The following MARVELD3 variants were observed in gnomAD, a reference collection of about 807,000 sequenced individuals.
MARVELD3 encodes the protein MARVEL domain containing 3.
Under a neutral mutation model 33.5 loss-of-function variants are expected in MARVELD3, and 28 were observed. The ratio of observed to expected loss-of-function variants is 0.84; its 90% CI spans 0.62 to 1.15. The LOEUF (loss-of-function observed/expected upper bound fraction) is 1.15. Among genes scored for constraint, MARVELD3 ranks in the 50% most tolerant of loss-of-function variants. The pLI is 0.00. For synonymous variants in MARVELD3, 241 were observed against 230.4 expected, an observed-to-expected ratio of 1.05 and a Z score of -0.42; for missense variants, 582 against 547.6, an observed-to-expected ratio of 1.06 and a Z score of -0.63.
Position 71,635,819 on chromosome 16 carries a change from A to G in MARVELD3, c.*1016A>G, listed in dbSNP as rs1394262384. The G allele has an allele frequency of 2.0e-6, 2 of 985,284 alleles. No individual in the cohort carries two copies. Among genetic ancestry groups the G allele is most frequent in the Admixed American group, 6.2e-5 (1 of 16,260 alleles). The allele number at this position is 985,284 out of a possible 1,614,324, so 61.0% of individuals were successfully genotyped here. A position where few individuals can be genotyped will look rare whatever the true frequency, so the allele number is the denominator to read the frequency against. ...CTCCTGTAAAATTGAAGTTGGAGGT[A>G]GGCGTGGGCTGAGGAAAGAGGAATC... On this transcript the variant is annotated 3_prime_UTR_variant, in exon 3 of 3. Coordinates refer to ENST00000268485, the MANE Select transcript of MARVELD3 (RefSeq NM_052858.6).
At chr16:71,634,100 G>T in intron 2 of MARVELD3, 93 bp from the exon 3 acceptor site, 3 of 1,529,000 alleles carry the variant, frequency 2.0e-6, no homozygotes, top group Non-Finnish European at 2.6e-6. Flanking sequence ...GCCTTCAGGG[G>T]TCTGAGCCCT....
At position 71,626,239 on chromosome 16, in the gene MARVELD3, C is replaced by A. The variant is rs1412618895; in HGVS notation, c.10C>A (p.Pro4Thr). Reference protein sequence around the residue: MEDPSGAREPRARP... With the variant: MEDTSGAREPRARP... ...GACACGGAACCCGGCCATGGAAGAT[C>A]CGTCGGGGGCTCGCGAGCCCCGGGC... The change falls in exon 1 of 3, where the codon CCG becomes ACG. Residue 4 changes from proline to threonine, a missense_variant. By Grantham distance (38) the Pro-to-Thr change is conservative. Coordinates refer to ENST00000268485, the MANE Select transcript of MARVELD3 (RefSeq NM_052858.6). This position sits in a 1 kb window ranked among gnomAD's most constrained non-coding sequence, Gnocchi z 5.3. The A allele has an allele frequency of 8.0e-6, 12 of 1,495,668 alleles. No individual in the cohort carries two copies. The highest frequency in any genetic ancestry group is 1.1e-5 in the Non-Finnish European group (12 of 1,125,534). The allele number at this position is 1,495,668 out of a possible 1,614,324, so 92.6% of individuals were successfully genotyped here.
At position 71,626,532 on chromosome 16, in the gene MARVELD3, A is replaced by G. The variant is rs903485519; in HGVS notation, c.303A>G (p.Ala101=). Residue 101 remains alanine, a synonymous_variant, in exon 1 of 3, where the codon GCA becomes GCG. Transcript: ENST00000268485. The surrounding 1 kb of genome is among the most constrained non-coding windows in gnomAD (Gnocchi z 5.3). The part of the protein sequence containing the change: ...RDTHRDAGPR[A]GEHGVWEKPR... The stretch of plus-strand genomic sequence containing the variant: ...CACACAGGGACGCGGGCCCTCGCGC[A>G]GGTGAACACGGAGTTTGGGAAAAAC... 4 of 1,549,648 alleles carry G rather than the reference A, an allele frequency of 2.6e-6. No individual in the cohort carries two copies. Among genetic ancestry groups the G allele is most frequent in the Non-Finnish European group, 3.5e-6 (4 of 1,146,790 alleles).
chr16:71,636,234 A>G lies in MARVELD3; in HGVS notation c.*1431A>G. The G allele has an allele frequency of 1.3e-6, 1 of 788,106 alleles. No individual in the cohort carries two copies. The highest frequency in any genetic ancestry group is 1.5e-6 in the Non-Finnish European group (1 of 649,172). 48.8% of individuals were successfully genotyped at this position (788,106 alleles called of 1,614,324 possible). On this transcript the variant is annotated 3_prime_UTR_variant, in exon 3 of 3. Transcript: ENST00000268485. ...GGAGTTGATGTCCTCTTTACAATAC[A>G]TTTATAATATTCTCTTAAATACAGA...
At chr16:71,633,503 C>G (rs553736065) in intron 2 of MARVELD3, among the ~76,000 whole-genome samples, 1 of 152,110 alleles carries the variant, frequency 6.6e-6, no homozygotes, top group Non-Finnish European at 1.5e-5. Context: ...AAGTGATTCT[C>G]CTACCTCAGC....
At chr16:71,639,153 CCTCTGCCTT>C (rs1207407906), downstream of MARVELD3, 2 of 146,694 alleles carry the variant, frequency 1.4e-5, no homozygotes, top group African/African-American at 5.1e-5. Context: ...CTCATTGCAA[CCTCTGCCTT>C]CCGGGTTCAA....
At chr16:71,628,409 C>T (rs746448566) in intron 1 of MARVELD3, among the ~76,000 whole-genome samples, 9 of 152,006 alleles carry the variant, frequency 5.9e-5, no homozygotes, top group South Asian at 2.1e-4. Context: ...CGGTGGCGCA[C>T]GCCTGTAATC....
intron 2 of MARVELD3, 127 bp from the exon 3 acceptor site, chr16:71,634,066 C>T (rs1277385915): frequency 1.4e-6 from 2 of 1,453,808 alleles, no homozygotes; most frequent in South Asian, 2.8e-5. Context: ...CTGCTTTGGC[C>T]TCGGGTCTTC....
At position 71,634,267 on chromosome 16, in the gene MARVELD3, G is replaced by T. The variant is rs754603478; in HGVS notation, c.670G>T (p.Gly224Trp). Residue 224 changes from glycine (G) to tryptophan (W), a missense_variant, in exon 3 of 3, where the codon GGG becomes TGG. By Grantham distance (184) the Gly-to-Trp change is radical. Transcript: ENST00000268485. ...ACSSVSYSSTGGYTGITSLGG... is the reference protein window; with the variant it reads ...ACSSVSYSSTWGYTGITSLGG... ...CAGCTCTGTGTCTTACAGTTCCACA[G>T]GGGGCTACACGGGCATCACCAGCTT... The T allele has an allele frequency of 5.0e-6, 8 of 1,614,036 alleles. No homozygotes were observed. Among genetic ancestry groups the T allele is most frequent in the African/African-American group, 4.0e-5 (3 of 74,924 alleles).
intron 2 of MARVELD3, among the ~76,000 whole-genome samples, chr16:71,633,920 C>G (rs2044556513): frequency 6.6e-6 from 1 of 152,128 alleles, no homozygotes; most frequent in Non-Finnish European, 1.5e-5. Context: ...CTGGCCTGAT[C>G]TCTCCCATCA....
Position 71,635,553 on chromosome 16 carries a change from G to A in MARVELD3, c.*750G>A, listed in dbSNP as rs1199681644. ...ACCCAGGAGTTCAAGTTTGCAGTGC[G>A]CTATGATTGTCCCACTACACTCTAG... On this transcript the variant is annotated 3_prime_UTR_variant, in exon 3 of 3. Coordinates refer to ENST00000268485, the MANE Select transcript of MARVELD3 (RefSeq NM_052858.6). The A allele has an allele frequency of 1.3e-5, 13 of 981,096 alleles. No individual in the cohort carries two copies. The highest frequency in any genetic ancestry group is 7.0e-5 in the African/African-American group (4 of 56,892). The allele number at this position is 981,096 out of a possible 1,614,324, so 60.8% of individuals were successfully genotyped here. A position where few individuals can be genotyped will look rare whatever the true frequency, so the allele number is the denominator to read the frequency against.
rs1016900487 is a variant in MARVELD3 at position 71,626,847 on chromosome 16, C to G, written c.467+151C>G. 8.8e-6 allele frequency: 6 copies of G among 683,748 alleles called. No homozygotes were observed. The highest frequency in any genetic ancestry group is 1.3e-5 in the Non-Finnish European group (6 of 455,352). 42.4% of individuals were successfully genotyped at this position (683,748 alleles called of 1,614,324 possible). A position where few individuals can be genotyped will look rare whatever the true frequency, so the allele number is the denominator to read the frequency against. ...TCCCTTCTGCGCTCTCAGAGGCGAC[C>G]TGGCAGGGAAGGAAAACTTTAGGGT... On this transcript the variant is annotated intron_variant, in intron 1 of 2. Transcript: ENST00000268485. This position sits in a 1 kb window ranked among gnomAD's most constrained non-coding sequence, Gnocchi z 5.3.
chr16:71,635,464 G>A lies in MARVELD3; in HGVS notation c.*661G>A. 2.0e-6 allele frequency: 2 copies of A among 985,014 alleles called. No individual in the cohort carries two copies. Among genetic ancestry groups the A allele is most frequent in the Non-Finnish European group, 2.4e-6 (2 of 829,956 alleles). The allele number at this position is 985,014 out of a possible 1,614,324, so 61.0% of individuals were successfully genotyped here. A position where few individuals can be genotyped will look rare whatever the true frequency, so the allele number is the denominator to read the frequency against. ...GATGAACCTTACCTTCAAAGTTCCT[G>A]GGCACAGTGGCTCACACCTGTAATC... On this transcript the variant is annotated 3_prime_UTR_variant, in exon 3 of 3. Coordinates refer to ENST00000268485, the MANE Select transcript of MARVELD3 (RefSeq NM_052858.6).
At chr16:71,636,716 G>A (rs370981334), downstream of MARVELD3, among the ~76,000 whole-genome samples, 4 of 152,096 alleles carry the variant, frequency 2.6e-5, no homozygotes, top group South Asian at 2.1e-4. Context: ...TTAGCCTCCC[G>A]AGTCACTGGA....
In MARVELD3 at chr16:71,635,714, C is replaced by T. The variant is rs1383809574; in HGVS notation, c.*911C>T. ...GTTGTCTCAAGCAGATTACTCCACA[C>T]GTTTTTCCACACTGAACTCTCCAGT... On this transcript the variant is annotated 3_prime_UTR_variant, in exon 3 of 3. Coordinates refer to ENST00000268485, the MANE Select transcript of MARVELD3 (RefSeq NM_052858.6). 12 of 985,192 alleles carry T rather than the reference C, an allele frequency of 1.2e-5. No individual in the cohort carries two copies. Among genetic ancestry groups the T allele is most frequent in the Admixed American group, 6.2e-5 (1 of 16,248 alleles). The allele number at this position is 985,192 out of a possible 1,614,324, so 61.0% of individuals were successfully genotyped here. A position where few individuals can be genotyped will look rare whatever the true frequency, so the allele number is the denominator to read the frequency against.
chr16:71,628,076 T>C (rs2044493161), intron 1 of MARVELD3, among the ~76,000 whole-genome samples: 1 of 152,114 alleles, frequency 6.6e-6, no homozygotes, highest in Admixed American at 6.5e-5. Context: ...CTATCCTGAG[T>C]TTATGTTACA....
chr16:71,640,974 C>G (rs760497823), downstream of MARVELD3: 60 of 1,613,514 alleles, frequency 3.7e-5, no homozygotes, highest in Non-Finnish European at 5.0e-5. Context: ...CAGCCGAGAA[C>G]AGCCCGGAAG....
chr16:71,640,704 G>A (rs768054161), downstream of MARVELD3: 2 of 1,614,238 alleles, frequency 1.2e-6, no homozygotes, highest in Non-Finnish European at 1.7e-6. Flanking sequence ...CCTCACGGAG[G>A]CCGCCTTCAG....
In MARVELD3 at chr16:71,635,793, A is replaced by C. The variant is rs765883593; in HGVS notation, c.*990A>C. 3.0e-6 allele frequency: 3 copies of C among 985,198 alleles called. No homozygotes were observed. The highest frequency in any genetic ancestry group is 3.6e-6 in the Non-Finnish European group (3 of 829,906). The allele number at this position is 985,198 out of a possible 1,614,324, so 61.0% of individuals were successfully genotyped here. ...AGGGGGTGGGGACTCTTGGGAAACT[A>C]CTCCTGTAAAATTGAAGTTGGAGGT... On this transcript the variant is annotated 3_prime_UTR_variant, in exon 3 of 3. Coordinates refer to ENST00000268485, the MANE Select transcript of MARVELD3 (RefSeq NM_052858.6).
Sources: allele counts gnomAD v4.1 joint callset (sites outside exome capture counted in the v4.1 genomes callset), GRCh38; gene constraint gnomAD v4.1.1; non-coding constraint Gnocchi (gnomAD v3.1); transcripts MANE v1.5; gene names NCBI Gene and HGNC (gene_info 2026-07-23, HGNC 2026-07-21).